TRIP12: variants seen among roughly 807,000 people sequenced by gnomAD.
The protein encoded by TRIP12 is E3 ubiquitin-protein ligase TRIP12.
A neutral mutation model predicts 244.2 loss-of-function variants in TRIP12; 25 were observed. The ratio of observed to expected loss-of-function variants is 0.10; its 90% confidence interval spans 0.07 to 0.14. TRIP12 has a LOEUF of 0.14. Ranked by LOEUF, TRIP12 falls within the 10% of genes least tolerant of loss-of-function variation. The pLI is 1.00. For synonymous variants in TRIP12, 905 were observed against 873.1 expected (o/e 1.04, Z -0.64); for missense variants, 1,677 against 2,486.4 (o/e 0.67, Z 6.92).
At chr2:229,905,846 A>C (rs2072591644) in intron 1 of TRIP12, among the ~76,000 whole-genome samples, 1 of 152,236 alleles carries the variant, frequency 6.6e-6, no homozygotes, top group African/African-American at 2.4e-5. Flanking sequence ...TATAAAAAGC[A>C]GGCCATTTAG....
chr2:229,770,632 A>G (rs892917252), intron 39 of TRIP12, among the ~76,000 whole-genome samples: 1 of 152,178 alleles, frequency 6.6e-6, no homozygotes, highest in Non-Finnish European at 1.5e-5. Context: ...TTGGCACTTG[A>G]AATTAAAGAC....
At position 229,855,320 on chromosome 2, in the gene TRIP12, G is replaced by A. The variant is rs2059407591; in HGVS notation, c.1027+3452C>T. On this transcript the variant is annotated intron_variant, in intron 4 of 41. Coordinates refer to ENST00000675903, the MANE Select transcript of TRIP12 (RefSeq NM_001348323.3). ...CAACTTGCTATACAAGACCGATGAG[G>A]AACAAATAAGATGACTCATGTAAGG... 5.3e-5 allele frequency among the ~76,000 whole-genome samples: 8 copies of A among 152,100 alleles called. 1 individual carries two copies. The South Asian group carries it at 1.7e-3, about 32-fold the overall frequency.
chr2:229,784,121 A>G (rs1448689884), intron 34 of TRIP12, among the ~76,000 whole-genome samples: 5 of 151,278 alleles, frequency 3.3e-5, no homozygotes, highest in South Asian at 2.1e-4. Flanking sequence ...AAAAAAAAAA[A>G]AGAGAGAGAA....
intron 18 of TRIP12, 111 bp from the exon 19 acceptor site, chr2:229,804,338 C>T (rs528884897): frequency 1.1e-6 from 1 of 924,178 alleles, no homozygotes; most frequent in Admixed American, 2.7e-5. Flanking sequence ...GCTATGAAAA[C>T]TTTTTCATTA....
chr2:229,802,271 A>T lies in TRIP12; in HGVS notation c.3187T>A (p.Leu1063Ile). ...PSLQHSRDDS[L>I]DLSPQGRLSD... is the part of the protein sequence containing the mutation. ...ACTTACCCTTGAGGGCTGAGATCTA[A>T]AGAATCATCCCTGCTGTGCTGCAAG... The change falls in exon 21 of 42, where the codon TTA becomes ATA. Residue 1063 changes from leucine (L) to isoleucine (I), a missense_variant. Physicochemically the swap from Leu to Ile is conservative, Grantham distance 5 (BLOSUM62 2). Transcript: ENST00000675903. 4 of 1,602,794 alleles carry T rather than the reference A, an allele frequency of 2.5e-6. No individual in the cohort carries two copies. The highest frequency in any genetic ancestry group is 3.4e-6 in the Non-Finnish European group (4 of 1,171,328).
intron 9 of TRIP12, among the ~76,000 whole-genome samples, chr2:229,817,505 T>C (rs1036039480): frequency 2.6e-5 from 4 of 152,222 alleles, no homozygotes; most frequent in African/African-American, 9.6e-5. Context: ...GGAATCAAGC[T>C]GTTAATAAAT....
At chr2:229,807,254 C>T (rs1358061808) in intron 17 of TRIP12, 1 of 180,720 alleles carries the variant, frequency 5.5e-6, no homozygotes, top group Non-Finnish European at 1.2e-5. Flanking sequence ...ACATACAAGC[C>T]TACGTGTATC....
intron 22 of TRIP12, 24 bp downstream of exon 22, chr2:229,799,259 C>A (rs1222417544): frequency 1.2e-6 from 2 of 1,610,606 alleles, no homozygotes; most frequent in Non-Finnish European, 1.7e-6. Flanking sequence ...CTTTACCTCC[C>A]CATAGTTTCA....
At chr2:229,804,293 A>C in intron 18 of TRIP12, 66 bp from the exon 19 acceptor site, 2 of 1,335,656 alleles carry the variant, frequency 1.5e-6, no homozygotes, top group Non-Finnish European at 2.1e-6. Flanking sequence ...ACAATAAACA[A>C]TATAAAATAC....
chr2:229,831,650 T>C (rs1015718318), intron 6 of TRIP12, among the ~76,000 whole-genome samples: 2 of 151,998 alleles, frequency 1.3e-5, no homozygotes, highest in African/African-American at 2.4e-5. Flanking sequence ...ACAAGAAGTA[T>C]GAAAGACAGG....
intron 1 of TRIP12, among the ~76,000 whole-genome samples, chr2:229,901,497 C>G (rs1377179587): frequency 2.0e-5 from 3 of 151,418 alleles, no homozygotes; most frequent in Non-Finnish European, 4.4e-5. Context: ...GTGGCGCACA[C>G]TTGTAAATCC....
intron 1 of TRIP12, among the ~76,000 whole-genome samples, chr2:229,900,483 G>A (rs1424912337): frequency 3.3e-5 from 5 of 152,172 alleles, no homozygotes; most frequent in Admixed American, 3.3e-4. Flanking sequence ...CCATACTACA[G>A]ATGATTAAGA....
upstream of TRIP12, chr2:229,922,689 G>A (rs2076777187): frequency 1.4e-6 from 2 of 1,465,630 alleles, no homozygotes; most frequent in South Asian, 1.2e-5. Flanking sequence ...GCTGTGCTAG[G>A]CCAAGAGCAA....
At chr2:229,811,079 T>C (rs1489024164) in intron 14 of TRIP12, 34 bp from the exon 15 acceptor site, 3 of 1,613,644 alleles carry the variant, frequency 1.9e-6, no homozygotes, top group Middle Eastern at 1.7e-4. Flanking sequence ...AATTATTACA[T>C]CAAGATTCAG....
At chr2:229,883,876 G>GGC (rs2065378714) in intron 1 of TRIP12, among the ~76,000 whole-genome samples, 1 of 152,174 alleles carries the variant, frequency 6.6e-6, no homozygotes, top group Admixed American at 6.5e-5. Context: ...CAATCGGCTG[G>GGC]GCGCGGTGGC....
In TRIP12 at chr2:229,788,955, A is replaced by T. The variant is rs1205000075; in HGVS notation, c.4696-15T>A. On this transcript the variant is annotated splice_polypyrimidine_tract_variant and intron_variant, in intron 31 of 41. Coordinates refer to ENST00000675903, the MANE Select transcript of TRIP12 (RefSeq NM_001348323.3). ...CACATTGCATTCTGTAAAATGTTTA[A>T]AAAAAAAAAAGTCTACATGTAGTAA... 1.3e-6 allele frequency: 2 copies of T among 1,539,232 alleles called. No homozygotes were observed. The highest frequency in any genetic ancestry group is 1.5e-5 in the African/African-American group (1 of 67,926).
intron 1 of TRIP12, among the ~76,000 whole-genome samples, chr2:229,913,171 C>G (rs1006932112): frequency 2.0e-5 from 3 of 152,104 alleles, no homozygotes; most frequent in African/African-American, 7.2e-5. Context: ...AATGAAGATG[C>G]TTCAACAATT....
intron 6 of TRIP12, among the ~76,000 whole-genome samples, chr2:229,836,176 C>T (rs2054769566): frequency 6.6e-6 from 1 of 152,156 alleles, no homozygotes; most frequent in African/African-American, 2.4e-5. Flanking sequence ...GTATCTAAAC[C>T]TGTGTGTATC....
chr2:229,785,437 T>C lies in TRIP12; in HGVS notation c.5094+320A>G, dbSNP rs369005460. Among the ~76,000 whole-genome samples, 947 of 152,334 alleles carry C rather than the reference T, an allele frequency of 6.2e-3. 7 individuals carry two copies. Among genetic ancestry groups the C allele is most frequent in the Middle Eastern group, 0.048 (14 of 294 alleles). ...ACTACATTTTTGAAGTATGCAGTTATTATTTATATCTCAGTAAACCTGATT... is the reference window on the plus strand; with the variant it reads ...ACTACATTTTTGAAGTATGCAGTTACTATTTATATCTCAGTAAACCTGATT... On this transcript the variant is annotated intron_variant, in intron 34 of 41. Coordinates refer to ENST00000675903, the MANE Select transcript of TRIP12 (RefSeq NM_001348323.3).
Sources: allele counts gnomAD v4.1 joint callset (sites outside exome capture counted in the v4.1 genomes callset), GRCh38; gene constraint gnomAD v4.1.1; transcripts MANE v1.5; gene names NCBI Gene and HGNC (gene_info 2026-07-23, HGNC 2026-07-21).